The following FAAH2 variants were observed in gnomAD, a reference collection of about 807,000 sequenced individuals.
FAAH2 encodes the protein fatty-acid amide hydrolase 2.
Under a neutral mutation model 36.9 loss-of-function variants are expected in FAAH2, and 60 were observed. That is an observed-to-expected ratio of 1.63 (90% CI 1.32 to 2.02). FAAH2 has a LOEUF of 2.02. Among genes scored for constraint, FAAH2 ranks in the 30% most tolerant of loss-of-function variants. The pLI, the probability that FAAH2 is intolerant of heterozygous loss-of-function variation, is 0.00. For synonymous variants in FAAH2, 214 were observed against 143.8 expected, an observed-to-expected ratio of 1.49 and a Z score of -3.49; for missense variants, 689 against 397.5, an observed-to-expected ratio of 1.73 and a Z score of -6.23.
the FAAH2 span, among the ~76,000 whole-genome samples, chrX:57,216,846 C>T: frequency 1.9e-5 from 2 of 106,677 alleles, no homozygotes; most frequent in East Asian, 6.0e-4. Flanking sequence ...AAGGAATCTC[C>T]ACACTGTTTT....
the FAAH2 span, among the ~76,000 whole-genome samples, chrX:57,201,472 A>G: frequency 9.1e-6 from 1 of 109,939 alleles, no homozygotes; most frequent in East Asian, 2.9e-4. Flanking sequence ...CACACATTAT[A>G]TCTCCTTTGT....
chrX:57,123,417 G>A, the FAAH2 span, among the ~76,000 whole-genome samples: 1 of 112,190 alleles, frequency 8.9e-6, no homozygotes, highest in East Asian at 2.8e-4. Flanking sequence ...GGACATTTGG[G>A]TTGGTTCCAA....
the FAAH2 span, among the ~76,000 whole-genome samples, chrX:57,224,233 G>A: frequency 1.8e-5 from 2 of 111,521 alleles, no homozygotes; most frequent in African/African-American, 3.3e-5. Context: ...TCCTCTGAAC[G>A]TAACTGTCTT....
chrX:57,234,312 C>T, the FAAH2 span, among the ~76,000 whole-genome samples: 2 of 111,251 alleles, frequency 1.8e-5, no homozygotes, highest in African/African-American at 6.5e-5. Context: ...AACATCATTC[C>T]ATTCACCTCA....
At chrX:57,211,713 C>A in the FAAH2 span, among the ~76,000 whole-genome samples, 1 of 111,783 alleles carries the variant, frequency 8.9e-6, no homozygotes, top group Non-Finnish European at 1.9e-5. Flanking sequence ...CACCATCAAC[C>A]ATGCCACCCT....
the FAAH2 span, among the ~76,000 whole-genome samples, chrX:57,221,017 G>T: frequency 1.8e-5 from 2 of 111,626 alleles, no homozygotes; most frequent in East Asian, 5.6e-4. Flanking sequence ...TTAATACCAG[G>T]CAACCTACTC....
At chrX:57,228,483 C>A in the FAAH2 span, among the ~76,000 whole-genome samples, 3 of 111,083 alleles carry the variant, frequency 2.7e-5, no homozygotes, top group Non-Finnish European at 3.8e-5. Context: ...GGTTGGGGCA[C>A]TCACAGTATT....
At chrX:57,402,374 C>T (rs1220182199) in intron 7 of FAAH2, among the ~76,000 whole-genome samples, 4 of 112,012 alleles carry the variant, frequency 3.6e-5, no homozygotes, top group African/African-American at 1.3e-4. Context: ...TGTTCCAGAG[C>T]CTCCAAATTC....
At chrX:57,281,515 C>T in the FAAH2 span, among the ~76,000 whole-genome samples, 1 of 111,804 alleles carries the variant, frequency 8.9e-6, no homozygotes, top group South Asian at 3.7e-4. Context: ...ATGTGTGCAT[C>T]CTCAGATATA....
the FAAH2 span, among the ~76,000 whole-genome samples, chrX:57,177,983 G>A: frequency 9.0e-6 from 1 of 110,756 alleles, no homozygotes; most frequent in East Asian, 2.9e-4. Flanking sequence ...CAGTCCCTGA[G>A]GGCCAAACTA....
intron 7 of FAAH2, among the ~76,000 whole-genome samples, chrX:57,387,153 C>T (rs2055045492): frequency 9.0e-6 from 1 of 111,291 alleles, no homozygotes; most frequent in South Asian, 3.7e-4. Flanking sequence ...TTATTTTTTG[C>T]CATACTATGT....
chrX:57,271,055 G>A, the FAAH2 span, among the ~76,000 whole-genome samples: 15 of 112,552 alleles, frequency 1.3e-4, no homozygotes, highest in African/African-American at 4.5e-4. Flanking sequence ...CATCCACATG[G>A]AGCCCAGGAA....
At chrX:57,201,630 A>G in the FAAH2 span, among the ~76,000 whole-genome samples, 1 of 111,110 alleles carries the variant, frequency 9.0e-6, no homozygotes, top group African/African-American at 3.3e-5. Context: ...CATATCATCA[A>G]GTTTTGTTCT....
intron 5 of FAAH2, among the ~76,000 whole-genome samples, chrX:57,368,691 A>G (rs2116364): frequency 0.36 from 39,955 of 109,685 alleles, 6,310 homozygotes; most frequent in Middle Eastern, 0.62. Flanking sequence ...GCTCTACCCA[A>G]TCAAGCCCTA....
In FAAH2 at chrX:57,394,366, T is replaced by C. The variant is rs765306328; in HGVS notation, c.996+13337T>C. On this transcript the variant is annotated intron_variant, in intron 7 of 10. Coordinates refer to ENST00000374900, the MANE Select transcript of FAAH2 (RefSeq NM_174912.4). The stretch of plus-strand genomic sequence containing the variant: ...CAACAGGCTGGTGCTTCAGGCGTTC[T>C]AGTGCTGACAGCAGAACTTTGGCCT... The C allele has an allele frequency of 3.4e-6, 4 of 1,185,095 alleles. No homozygotes were observed. In the East Asian group the frequency reaches 1.2e-4, roughly 35 times the overall value.
chrX:57,268,454 C>T, the FAAH2 span, among the ~76,000 whole-genome samples: 12 of 111,577 alleles, frequency 1.1e-4, no homozygotes, highest in Non-Finnish European at 2.1e-4. Context: ...GAGAACTTCC[C>T]TAATCCAGCT....
the FAAH2 span, among the ~76,000 whole-genome samples, chrX:57,203,661 T>G: frequency 5.4e-5 from 6 of 111,977 alleles, no homozygotes; most frequent in Admixed American, 9.4e-5. Context: ...CAATCATCAT[T>G]GAAATCACAG....
chrX:57,389,950 AT>A (rs1174365868), intron 7 of FAAH2, among the ~76,000 whole-genome samples: 75 of 104,105 alleles, frequency 7.2e-4, no homozygotes, highest in African/African-American at 1.6e-3. Context: ...AGTGTTGTTG[AT>A]TTTTTTTTTT....
intron 7 of FAAH2, among the ~76,000 whole-genome samples, chrX:57,426,534 A>T (rs1484959104): frequency 8.9e-6 from 1 of 111,936 alleles, no homozygotes; most frequent in Non-Finnish European, 1.9e-5. Context: ...TTAAGAAATC[A>T]AACTTATAAA....
Sources: gnomAD v4.1 joint callset for allele counts (sites outside exome capture counted in the v4.1 genomes callset) on GRCh38, gnomAD v4.1.1 for gene constraint, MANE v1.5 for transcripts, NCBI Gene and HGNC (gene_info 2026-07-23, HGNC 2026-07-21) for gene names.